The following KSR2 variants were observed in gnomAD, a reference collection of about 807,000 sequenced individuals.
KSR2 encodes the protein kinase suppressor of ras 2.
A neutral mutation model predicts 107.8 loss-of-function variants in KSR2; 25 were observed. That is an observed-to-expected ratio of 0.23 (90% CI 0.17 to 0.32). KSR2 has a LOEUF of 0.32. Ranked by LOEUF, KSR2 falls within the 10% of genes least tolerant of loss-of-function variation. The pLI is 1.00. For missense variants in KSR2, 887 were observed against 1,268.9 expected, an observed-to-expected ratio of 0.70 and a Z score of 4.57; for synonymous variants, 480 against 507.0, an observed-to-expected ratio of 0.95 and a Z score of 0.71.
intron 1 of KSR2, among the ~76,000 whole-genome samples, chr12:117,926,943 C>T (rs1002152753): frequency 1.3e-4 from 20 of 152,182 alleles, no homozygotes; most frequent in Admixed American, 5.2e-4. Flanking sequence ...GATGTTCCTA[C>T]CTCCCAGGAC....
At chr12:117,579,272 G>C in intron 6 of KSR2, 70 bp from the exon 7 acceptor site, 1 of 1,066,338 alleles carries the variant, frequency 9.4e-7, no homozygotes, top group Non-Finnish European at 1.4e-6. Flanking sequence ...GAGGGATGAA[G>C]TACTTGAAGA....
chr12:117,815,674 T>A (rs1366503787), intron 3 of KSR2, among the ~76,000 whole-genome samples: 1 of 152,006 alleles, frequency 6.6e-6, no homozygotes, highest in African/African-American at 2.4e-5. Flanking sequence ...GGGAAGGGTA[T>A]AGAAAGTGTG....
chr12:117,694,136 C>T (rs191953156), intron 4 of KSR2, among the ~76,000 whole-genome samples: 8 of 152,110 alleles, frequency 5.3e-5, no homozygotes, highest in African/African-American at 1.7e-4. Flanking sequence ...GCAAACACCA[C>T]GGCAGTTCCT....
chr12:117,845,650 C>T (rs958519538), intron 3 of KSR2, among the ~76,000 whole-genome samples: 1 of 151,804 alleles, frequency 6.6e-6, no homozygotes, highest in African/African-American at 2.4e-5. Flanking sequence ...AATTGAAATG[C>T]CTTAAAAGCG....
intron 1 of KSR2, among the ~76,000 whole-genome samples, chr12:117,876,076 G>A (rs999293049): frequency 2.0e-5 from 3 of 152,180 alleles, no homozygotes; most frequent in African/African-American, 4.8e-5. Flanking sequence ...CTGCAGGACC[G>A]GGTCCCTGGT....
chr12:117,485,916 C>T (rs1872435949), intron 14 of KSR2, among the ~76,000 whole-genome samples: 1 of 152,194 alleles, frequency 6.6e-6, no homozygotes, highest in South Asian at 2.1e-4. Context: ...GGCTGACCGA[C>T]AAGGACACCC....
chr12:117,907,548 C>G lies in KSR2; in HGVS notation c.181-47117G>C, dbSNP rs1894895247. Reference sequence around the variant, plus strand: ...GTCAGCCACAGTGGAAACTGCTCTCCTGCCCTGACCTGTTTAGAGATTAAG... The same window carrying G: ...GTCAGCCACAGTGGAAACTGCTCTCGTGCCCTGACCTGTTTAGAGATTAAG... On this transcript the variant is annotated intron_variant, in intron 1 of 19. Coordinates refer to ENST00000339824, the MANE Select transcript of KSR2 (RefSeq NM_173598.6). The surrounding 1 kb of genome is among the most constrained non-coding windows in gnomAD (Gnocchi z 4.3). Among the ~76,000 whole-genome samples the G allele has an allele frequency of 6.6e-6, 1 of 152,168 alleles. No homozygotes were observed. Among genetic ancestry groups the G allele is most frequent in the African/African-American group, 2.4e-5 (1 of 41,428 alleles).
Position 117,812,842 on chromosome 12 carries a change from C to CAAA in KSR2, c.472+42583_472+42585dup, listed in dbSNP as rs3073170. On this transcript the variant is annotated intron_variant, in intron 3 of 19. Transcript: ENST00000339824. ...GGAACCACAAAAGACCCCAAATAGC[C>CAAA]AAAAAAAAAAAAAAAAATCATCCTG... 9.5e-4 allele frequency among the ~76,000 whole-genome samples: 91 copies of CAAA among 95,558 alleles called. 1 individual carries two copies. Among genetic ancestry groups the CAAA allele is most frequent in the South Asian group, 3.4e-3 (8 of 2,384 alleles). 62.7% of individuals were successfully genotyped at this position (95,558 alleles called of 152,430 possible). A position where few individuals can be genotyped will look rare whatever the true frequency, so the allele number is the denominator to read the frequency against.
At chr12:117,515,246 CTCTTT>C (rs1260114757) in intron 14 of KSR2, among the ~76,000 whole-genome samples, 6 of 152,218 alleles carry the variant, frequency 3.9e-5, no homozygotes, top group Non-Finnish European at 4.4e-5. Context: ...TACTTGGCAT[CTCTTT>C]TCTTTTCATC....
At chr12:117,924,414 CA>C (rs1249537567) in intron 1 of KSR2, among the ~76,000 whole-genome samples, 2 of 148,680 alleles carry the variant, frequency 1.3e-5, no homozygotes, top group South Asian at 2.1e-4. Flanking sequence ...AAAAAAAATA[CA>C]AAAAAATTTA....
chr12:117,770,736 G>A (rs530110694), intron 3 of KSR2, among the ~76,000 whole-genome samples: 45 of 151,954 alleles, frequency 3.0e-4, no homozygotes, highest in African/African-American at 7.7e-4. Flanking sequence ...GAGAGGCCGA[G>A]GCAGGCAGAT....
intron 1 of KSR2, among the ~76,000 whole-genome samples, chr12:117,913,595 A>C (rs1238220062): frequency 6.6e-6 from 1 of 152,208 alleles, no homozygotes; most frequent in Admixed American, 6.5e-5. Context: ...GAGAGAAGAA[A>C]GCCATCTGAG....
intron 1 of KSR2, among the ~76,000 whole-genome samples, chr12:117,900,155 A>G (rs1894638969): frequency 6.6e-6 from 1 of 152,214 alleles, no homozygotes; most frequent in Non-Finnish European, 1.5e-5. Flanking sequence ...TTAAGCCACC[A>G]TGTTTGTGAT....
chr12:117,638,877 G>C (rs577971616), intron 5 of KSR2, among the ~76,000 whole-genome samples: 1 of 152,188 alleles, frequency 6.6e-6, no homozygotes, highest in South Asian at 2.1e-4. Flanking sequence ...CAGGTATCAG[G>C]ATAAAAATAT....
At position 117,539,733 on chromosome 12, in the gene KSR2, T is replaced by C. The variant is rs1354484139; in HGVS notation, c.1673A>G (p.Asn558Ser). The C allele has an allele frequency of 6.2e-7, 1 of 1,600,112 alleles. No individual in the cohort carries two copies. The highest frequency in any genetic ancestry group is 1.4e-5 in the African/African-American group (1 of 73,802). Residue 558 changes from asparagine to serine, a missense_variant, in exon 10 of 20, where the codon AAC becomes AGC. Physicochemically the swap from Asn to Ser is conservative, Grantham distance 46. Around this residue, in one of 8 missense-constraint regions of KSR2, gnomAD observed 50 missense variants for 43.4 expected, o/e 1.15. Transcript: ENST00000339824. ...PSPQCTRQQK[N>S]FNLPASHYYK... ...CATGGAGGTACCTGGCAGGTTGAAGTTCTTCTGCTGCCGTGTGCACTGTGG... is the reference window on the plus strand; with the variant it reads ...CATGGAGGTACCTGGCAGGTTGAAGCTCTTCTGCTGCCGTGTGCACTGTGG...
intron 7 of KSR2, among the ~76,000 whole-genome samples, chr12:117,560,509 C>T (rs369430125): frequency 6.6e-6 from 1 of 152,292 alleles, no homozygotes; most frequent in East Asian, 1.9e-4. Context: ...AATCTGATGG[C>T]ACCAGAGAGG....
chr12:117,610,781 C>T (rs1211411817), intron 5 of KSR2, among the ~76,000 whole-genome samples: 1 of 151,250 alleles, frequency 6.6e-6, no homozygotes, highest in Non-Finnish European at 1.5e-5. Context: ...AAATAAAACC[C>T]CCACACGCAG....
At chr12:117,903,698 T>C (rs1894757573) in intron 1 of KSR2, among the ~76,000 whole-genome samples, 1 of 152,196 alleles carries the variant, frequency 6.6e-6, no homozygotes, top group Admixed American at 6.5e-5. Context: ...TTCTGAAATA[T>C]GTACATTTAA....
intron 14 of KSR2, among the ~76,000 whole-genome samples, chr12:117,516,089 C>T (rs1413347970): frequency 6.6e-6 from 1 of 152,108 alleles, no homozygotes; most frequent in Non-Finnish European, 1.5e-5. Context: ...CCATCTCAAC[C>T]GGGCCACAAT....
Sources: allele counts gnomAD v4.1 joint callset (sites outside exome capture counted in the v4.1 genomes callset), GRCh38; gene constraint gnomAD v4.1.1; regional missense constraint gnomAD v4.1.1; non-coding constraint Gnocchi (gnomAD v3.1); transcripts MANE v1.5; gene names NCBI Gene and HGNC (gene_info 2026-07-23, HGNC 2026-07-21).